Variants in NCOA1 observed in about 807,000 individuals in gnomAD.
NCOA1 encodes Hin-2 protein.
A neutral mutation model predicts 150.9 loss-of-function variants in NCOA1; 35 were observed. The observed-to-expected ratio is 0.23, with a 90% CI of 0.18 to 0.31. The LOEUF (loss-of-function observed/expected upper bound fraction) is 0.31, where lower values mean the gene tolerates loss of function less well. NCOA1 is among the 10% of genes least tolerant of loss of function. The pLI is 1.00. For missense variants in NCOA1, 1,491 were observed against 1,749.3 expected (o/e 0.85, Z 2.63); for synonymous variants, 590 against 630.0 (o/e 0.94, Z 0.95).
chr2:24,765,126 G>A (rs55690787), intron 22 of NCOA1, among the ~76,000 whole-genome samples: 11,195 of 149,560 alleles, frequency 0.075, 504 homozygotes, highest in African/African-American at 0.12. Flanking sequence ...GCAGCGAGCC[G>A]AGATCACACC....
rs543689302 is a variant in NCOA1, at chr2:24,651,648, T to C, written c.-17-7013T>C. Among the ~76,000 whole-genome samples, 72 of 152,186 alleles carry C rather than the reference T, an allele frequency of 4.7e-4. 1 individual carries two copies. The South Asian group carries it at 0.015, about 31-fold the overall frequency. Reference sequence around the variant, plus strand: ...TATATAATAACCATTTTACTACATATCCTCATCTCATGACATCATGTTGTA... The same window carrying C: ...TATATAATAACCATTTTACTACATACCCTCATCTCATGACATCATGTTGTA... On this transcript the variant is annotated intron_variant, in intron 4 of 22. Coordinates refer to ENST00000348332, the MANE Select transcript of NCOA1 (RefSeq NM_003743.5).
intron 14 of NCOA1, among the ~76,000 whole-genome samples, chr2:24,724,327 A>G (rs779910923): frequency 1.3e-5 from 2 of 152,168 alleles, no homozygotes; most frequent in Admixed American, 6.5e-5. Flanking sequence ...GAAATGACCA[A>G]AAATATTTCA....
intron 3 of NCOA1, among the ~76,000 whole-genome samples, chr2:24,617,420 A>G (rs1438428045): frequency 6.6e-6 from 1 of 152,112 alleles, no homozygotes; most frequent in Non-Finnish European, 1.5e-5. Flanking sequence ...TTCCAGCTGT[A>G]ACAGTGTCCC....
At chr2:24,640,588 A>G (rs947819561) in intron 3 of NCOA1, among the ~76,000 whole-genome samples, 4 of 152,174 alleles carry the variant, frequency 2.6e-5, no homozygotes, top group African/African-American at 9.7e-5. Flanking sequence ...GAGGAGGATC[A>G]CTTAAGCCTG....
intron 1 of NCOA1, among the ~76,000 whole-genome samples, chr2:24,561,609 G>A (rs1427409813): frequency 1.3e-5 from 2 of 152,138 alleles, no homozygotes; most frequent in African/African-American, 2.4e-5. Flanking sequence ...TTTGGTTTTA[G>A]AAGCAGTAGT....
intron 22 of NCOA1, 59 bp downstream of exon 22, chr2:24,762,835 A>G (rs1664853682): frequency 7.0e-7 from 1 of 1,433,602 alleles, no homozygotes; most frequent in Non-Finnish European, 9.8e-7. Flanking sequence ...CACAGAGGTC[A>G]TTGTGTAGCA....
chr2:24,764,952 C>G (rs1044358384), intron 22 of NCOA1, among the ~76,000 whole-genome samples: 1 of 152,128 alleles, frequency 6.6e-6, no homozygotes, highest in African/African-American at 2.4e-5. Flanking sequence ...AAGCCTGAGG[C>G]AGGCAAATCA....
chr2:24,697,390 G>A (rs183270818), intron 10 of NCOA1, among the ~76,000 whole-genome samples: 333 of 152,278 alleles, frequency 2.2e-3, no homozygotes, highest in African/African-American at 7.7e-3. Flanking sequence ...TCTCAGTAGT[G>A]TCAGGTCATT....
Position 24,742,287 on chromosome 2 carries a change from A to G in NCOA1, c.3706+101A>G, listed in dbSNP as rs374356598. 3.1e-5 allele frequency: 43 copies of G among 1,378,030 alleles called. 1 individual carries two copies. In the African/African-American group the frequency reaches 4.5e-4, roughly 14 times the overall value. 85.4% of individuals were successfully genotyped at this position (1,378,030 alleles called of 1,614,324 possible). The stretch of plus-strand genomic sequence containing the variant: ...CTTGGACATTAAAATAGTGTGTGGA[A>G]GAGGAAAGACACTGACGTGGGAGTC... On this transcript the variant is annotated intron_variant, in intron 19 of 22. Coordinates refer to ENST00000348332, the MANE Select transcript of NCOA1 (RefSeq NM_003743.5).
intron 1 of NCOA1, among the ~76,000 whole-genome samples, chr2:24,530,938 C>T (rs900636904): frequency 6.6e-6 from 1 of 152,158 alleles, no homozygotes; most frequent in African/African-American, 2.4e-5. Context: ...ATTATAGCCT[C>T]ACAATAAAAA....
intron 8 of NCOA1, among the ~76,000 whole-genome samples, chr2:24,687,544 G>A (rs1672464441): frequency 6.6e-6 from 1 of 152,074 alleles, no homozygotes; most frequent in Admixed American, 6.5e-5. Flanking sequence ...AGGTTTAATT[G>A]ACTCACAGTT....
chr2:24,623,949 A>G (rs1426174217), intron 3 of NCOA1, among the ~76,000 whole-genome samples: 2 of 152,222 alleles, frequency 1.3e-5, no homozygotes, highest in African/African-American at 2.4e-5. Context: ...AGGGGACACA[A>G]TTCAGTCTAT....
intron 3 of NCOA1, among the ~76,000 whole-genome samples, chr2:24,612,579 C>T (rs1045660023): frequency 6.6e-6 from 1 of 151,690 alleles, no homozygotes; most frequent in African/African-American, 2.4e-5. Context: ...GACTTTGTTC[C>T]TTTTTTTTGA....
At chr2:24,518,137 A>G (rs909501992) in intron 1 of NCOA1, among the ~76,000 whole-genome samples, 2 of 152,334 alleles carry the variant, frequency 1.3e-5, no homozygotes, top group Admixed American at 6.5e-5. Context: ...AGTATAATAC[A>G]TTATGATTGG....
chr2:24,592,024 G>A (rs1310271234), intron 3 of NCOA1, among the ~76,000 whole-genome samples: 2 of 152,006 alleles, frequency 1.3e-5, no homozygotes, highest in Non-Finnish European at 2.9e-5. Flanking sequence ...CTCCATAAAA[G>A]CTGTTTTCTT....
chr2:24,709,531 T>A (rs1454675028), intron 13 of NCOA1, among the ~76,000 whole-genome samples: 1 of 152,224 alleles, frequency 6.6e-6, no homozygotes, highest in Non-Finnish European at 1.5e-5. Flanking sequence ...TTATTGACTT[T>A]TAAGAGTTCT....
At chr2:24,719,678 A>G (rs558193634) in intron 14 of NCOA1, among the ~76,000 whole-genome samples, 101 of 152,322 alleles carry the variant, frequency 6.6e-4, no homozygotes, top group African/African-American at 2.4e-3. Flanking sequence ...GGAGGAAGCA[A>G]AGGATCTGAA....
intron 14 of NCOA1, among the ~76,000 whole-genome samples, chr2:24,714,264 C>T (rs1226651294): frequency 6.6e-6 from 1 of 152,026 alleles, no homozygotes; most frequent in Non-Finnish European, 1.5e-5. Flanking sequence ...AAAGAAGACA[C>T]CAAAATTCAG....
At chr2:24,621,870 CT>C (rs1398427151) in intron 3 of NCOA1, among the ~76,000 whole-genome samples, 1 of 152,168 alleles carries the variant, frequency 6.6e-6, no homozygotes, top group Admixed American at 6.5e-5. Context: ...TCCTAGGAAG[CT>C]TTGTTAGGAA....
Sources: allele counts gnomAD v4.1 joint callset (sites outside exome capture counted in the v4.1 genomes callset), GRCh38; gene constraint gnomAD v4.1.1; transcripts MANE v1.5; gene names NCBI Gene and HGNC (gene_info 2026-07-23, HGNC 2026-07-21).